ALK: variants seen among roughly 807,000 people sequenced by gnomAD.
ALK encodes ALK receptor tyrosine kinase, also known as ALK tyrosine kinase receptor.
In ALK, 74 loss-of-function variants were observed where a neutral mutation model predicts 163.1. The observed-to-expected ratio is 0.45, with a 90% CI of 0.38 to 0.55. The LOEUF (loss-of-function observed/expected upper bound fraction) is 0.55. Among genes scored for constraint, ALK ranks in the 20% least tolerant of loss-of-function variants. The probability of loss-of-function intolerance (pLI) is 0.00; values close to 1 mark genes in which losing one functional copy is unlikely to be tolerated. For synonymous variants in ALK, 960 were observed against 843.2 expected (o/e 1.14, Z -2.40); for missense variants, 2,063 against 2,105.3 (o/e 0.98, Z 0.39).
intron 2 of ALK, among the ~76,000 whole-genome samples, chr2:29,704,129 C>A (rs971105233): frequency 3.9e-5 from 6 of 151,946 alleles, no homozygotes; most frequent in Non-Finnish European, 8.8e-5. Flanking sequence ...AAACATCATG[C>A]ATACACGGCA....
At chr2:29,484,837 T>A (rs944008876) in intron 4 of ALK, among the ~76,000 whole-genome samples, 23 of 152,208 alleles carry the variant, frequency 1.5e-4, no homozygotes, top group African/African-American at 5.5e-4. Context: ...CTCCTTTTTG[T>A]CAGCACTTTG....
chr2:29,214,087 G>C lies in ALK; in HGVS notation c.3646-6C>G, dbSNP rs778169676. On this transcript the variant is annotated splice_polypyrimidine_tract_variant and splice_region_variant and intron_variant, in intron 23 of 28. Transcript: ENST00000389048. ...GCCAGGGAGGAGGGCTGGCTCTGTG[G>C]GGAGACAGAAGCGGGCCACTGACGA... The C allele has an allele frequency of 6.2e-7, 1 of 1,613,530 alleles. No homozygotes were observed. The highest frequency in any genetic ancestry group is 8.5e-7 in the Non-Finnish European group (1 of 1,179,516).
At chr2:29,840,907 C>G (rs1397891693) in intron 1 of ALK, among the ~76,000 whole-genome samples, 1 of 152,160 alleles carries the variant, frequency 6.6e-6, no homozygotes, top group Admixed American at 6.5e-5. Context: ...TAAATAAAGT[C>G]AAGATTTCAA....
At chr2:29,376,839 G>A (rs918581756) in intron 5 of ALK, among the ~76,000 whole-genome samples, 5 of 152,220 alleles carry the variant, frequency 3.3e-5, no homozygotes, top group Non-Finnish European at 7.3e-5. Flanking sequence ...GAATCTATTT[G>A]TTCAGCTTCT....
At chr2:29,404,357 T>TTAAA (rs1669530114) in intron 4 of ALK, among the ~76,000 whole-genome samples, 1 of 151,374 alleles carries the variant, frequency 6.6e-6, no homozygotes, top group Non-Finnish European at 1.5e-5. Context: ...TAGTTTCCTC[T>TTAAA]TAAATAAATA....
chr2:29,603,995 A>G (rs1337867362), intron 3 of ALK, among the ~76,000 whole-genome samples: 1 of 152,028 alleles, frequency 6.6e-6, no homozygotes, highest in African/African-American at 2.4e-5. Context: ...TCTTCAAATT[A>G]TTTAGTATCC....
chr2:29,842,296 T>C (rs1337590722), intron 1 of ALK, among the ~76,000 whole-genome samples: 2 of 152,170 alleles, frequency 1.3e-5, no homozygotes, highest in African/African-American at 4.8e-5. Flanking sequence ...AGATATTTGT[T>C]TGAGTGACTT....
chr2:29,837,859 C>T (rs1197643269), intron 1 of ALK, among the ~76,000 whole-genome samples: 1 of 151,952 alleles, frequency 6.6e-6, no homozygotes, highest in Non-Finnish European at 1.5e-5. Flanking sequence ...AGAAGAAAAG[C>T]CAGTCAATAG....
At chr2:29,837,778 A>T (rs946430340) in intron 1 of ALK, among the ~76,000 whole-genome samples, 1 of 152,204 alleles carries the variant, frequency 6.6e-6, no homozygotes, top group Non-Finnish European at 1.5e-5. Flanking sequence ...ATAATGTAAC[A>T]CCAATAATGT....
intron 4 of ALK, among the ~76,000 whole-genome samples, chr2:29,495,375 G>C (rs1386304356): frequency 6.6e-6 from 1 of 152,146 alleles, no homozygotes; most frequent in Non-Finnish European, 1.5e-5. Context: ...GGCACTGCAC[G>C]GTATGTTCCC....
intron 24 of ALK, among the ~76,000 whole-genome samples, chr2:29,211,207 C>T (rs1303971727): frequency 6.6e-6 from 1 of 152,150 alleles, no homozygotes; most frequent in Non-Finnish European, 1.5e-5. Context: ...ATGCTGCTGA[C>T]CTGATCCAGA....
At chr2:29,218,670 C>G (rs1669704389) in intron 23 of ALK, among the ~76,000 whole-genome samples, 1 of 152,212 alleles carries the variant, frequency 6.6e-6, no homozygotes, top group African/African-American at 2.4e-5. Flanking sequence ...CTCCCAGACT[C>G]CCTTTGCAAA....
intron 19 of ALK, 150 bp downstream of exon 19, chr2:29,225,311 G>T (rs2148175904): frequency 1.4e-6 from 1 of 716,388 alleles, no homozygotes; most frequent in Non-Finnish European, 2.4e-6. Flanking sequence ...TTCCGTTTTG[G>T]CTTGGCCTGG....
At chr2:29,896,735 T>C (rs193242641) in intron 1 of ALK, among the ~76,000 whole-genome samples, 7 of 152,312 alleles carry the variant, frequency 4.6e-5, no homozygotes, top group African/African-American at 1.7e-4. Context: ...CATTGGACAA[T>C]AAAAGTTCAT....
At chr2:29,257,337 C>T (rs573994440) in intron 11 of ALK, among the ~76,000 whole-genome samples, 54 of 151,964 alleles carry the variant, frequency 3.6e-4, no homozygotes, top group African/African-American at 1.2e-3. Flanking sequence ...TATAAAGAAC[C>T]CACAAATATC....
chr2:29,869,216 G>T (rs557554413), intron 1 of ALK, among the ~76,000 whole-genome samples: 1 of 152,154 alleles, frequency 6.6e-6, no homozygotes, highest in Non-Finnish European at 1.5e-5. Flanking sequence ...GGTTTGCTAT[G>T]CAACCATATA....
intron 3 of ALK, among the ~76,000 whole-genome samples, chr2:29,584,491 A>G (rs4416175): frequency 0.94 from 142,780 of 152,212 alleles, 67,665 homozygotes; most frequent in East Asian, 1. Context: ...GCAGGCATCC[A>G]CACATCCGTG....
At chr2:29,216,020 G>GTGTT (rs1573112080) in intron 23 of ALK, among the ~76,000 whole-genome samples, 2 of 152,314 alleles carry the variant, frequency 1.3e-5, no homozygotes, top group East Asian at 3.9e-4. Context: ...ATGGCTCCTT[G>GTGTT]TGTTTGGCTT....
chr2:29,323,931 A>G (rs1667157982), intron 6 of ALK, among the ~76,000 whole-genome samples: 1 of 152,212 alleles, frequency 6.6e-6, no homozygotes, highest in African/African-American at 2.4e-5. Flanking sequence ...ACCACTCAAA[A>G]TGTGGTCCAG....
Sources: gnomAD v4.1 joint callset for allele counts (sites outside exome capture counted in the v4.1 genomes callset) on GRCh38, gnomAD v4.1.1 for gene constraint, MANE v1.5 for transcripts, NCBI Gene and HGNC (gene_info 2026-07-23, HGNC 2026-07-21) for gene names.